CDHR2: variants seen among roughly 807,000 people sequenced by gnomAD.
The protein encoded by CDHR2 is cadherin related family member 2.
A neutral mutation model predicts 138.6 loss-of-function variants in CDHR2; 104 were observed. The ratio of observed to expected loss-of-function variants is 0.75; its 90% confidence interval spans 0.64 to 0.88. The LOEUF (loss-of-function observed/expected upper bound fraction) is 0.88. Among genes scored for constraint, CDHR2 ranks in the 40% least tolerant of loss-of-function variants. CDHR2 has a pLI of 0.00. For synonymous variants in CDHR2, 755 were observed against 742.8 expected (o/e 1.02, Z -0.27); for missense variants, 1,624 against 1,727.6 (o/e 0.94, Z 1.06).
At position 176,575,087 on chromosome 5, in the gene CDHR2, A is replaced by G; in HGVS notation, c.499A>G (p.Ile167Val). ...ACCCAAGTCTGCTCTGCCCCAGGTC[A>G]TCCCTAGCACTGGGGACAGCGAGCA... is the stretch of plus-strand genomic sequence containing the variant. ...GMVVYSIEKV[I>V]PSTGDSEHLF... Residue 167 changes from isoleucine (I) to valine (V), a missense_variant, in exon 8 of 32, where the codon ATC becomes GTC. Coordinates refer to ENST00000261944, the MANE Select transcript of CDHR2 (RefSeq NM_017675.6). The G allele has an allele frequency of 1.2e-6, 2 of 1,614,078 alleles. No individual in the cohort carries two copies. The highest frequency in any genetic ancestry group is 2.2e-5 in the South Asian group (2 of 91,084).
intron 8 of CDHR2, 22 bp downstream of exon 8, chr5:176,575,231 C>A (rs777952319): frequency 1.2e-6 from 2 of 1,614,068 alleles, no homozygotes; most frequent in Non-Finnish European, 1.7e-6. Flanking sequence ...TGCCGGCAGG[C>A]GGGCCTAGGA....
chr5:176,586,599 AC>A (rs1758674530), intron 20 of CDHR2, 193 bp from the exon 21 acceptor site: 1 of 590,210 alleles, frequency 1.7e-6, no homozygotes, highest in Non-Finnish European at 3.0e-6. Context: ...TGGGCCTGTG[AC>A]CTCACCTGTG....
chr5:176,578,272 G>A (rs1758446960), intron 15 of CDHR2, 93 bp from the exon 16 acceptor site: 1 of 1,286,036 alleles, frequency 7.8e-7, no homozygotes, highest in African/African-American at 1.5e-5. Context: ...TACTGCATGG[G>A]ATATGCTGAA....
chr5:176,579,254 G>A (rs772371630), intron 16 of CDHR2, among the ~76,000 whole-genome samples: 1 of 152,224 alleles, frequency 6.6e-6, no homozygotes. Flanking sequence ...TGGCCACAGA[G>A]CCCTCCCGTC....
At chr5:176,549,089 G>T (rs1414402987), upstream of CDHR2, among the ~76,000 whole-genome samples, 1 of 152,178 alleles carries the variant, frequency 6.6e-6, no homozygotes, top group African/African-American at 2.4e-5. Flanking sequence ...GCCTGCCCCA[G>T]TGTTGGGCCT....
intron 1 of CDHR2, among the ~76,000 whole-genome samples, chr5:176,557,211 T>C (rs1006446112): frequency 1.7e-4 from 26 of 151,820 alleles, no homozygotes; most frequent in Non-Finnish European, 3.8e-4. Context: ...TTGTTTTGCT[T>C]TTTTTGTTTT....
At chr5:176,589,480 A>T in intron 23 of CDHR2, 42 bp downstream of exon 23, 1 of 1,612,240 alleles carries the variant, frequency 6.2e-7, no homozygotes, top group South Asian at 1.1e-5. Flanking sequence ...GCCCTCTGCC[A>T]GCCCCCAGGG....
At chr5:176,588,450 TGAGA>T (rs67733279) in intron 21 of CDHR2, among the ~76,000 whole-genome samples, 2 of 149,904 alleles carry the variant, frequency 1.3e-5, no homozygotes, top group Non-Finnish European at 3.0e-5. Context: ...TGTGTGAGTG[TGAGA>T]GGGTGTGTGA....
rs1758144299 is a variant in CDHR2, at chr5:176,568,787, A to G, written c.234A>G (p.Glu78=). Residue 78 remains glutamate, a synonymous_variant, in exon 4 of 32, where the codon GAA becomes GAG. Transcript: ENST00000261944. The stretch of plus-strand genomic sequence containing the variant: ...TCGCTGTCACTCCGAAAACTGGGGA[A>G]GTGAAGCTGGCCAGCGCTCTGGACT... ...YFFAVTPKTG[E]VKLASALDYE... is the part of the protein sequence containing the mutation. 1 of 1,614,022 alleles carries G rather than the reference A, an allele frequency of 6.2e-7. No homozygotes were observed. Among genetic ancestry groups the G allele is most frequent in the Admixed American group, 1.7e-5 (1 of 60,006 alleles).
intron 1 of CDHR2, among the ~76,000 whole-genome samples, chr5:176,561,780 C>G (rs1265636953): frequency 6.6e-6 from 1 of 151,946 alleles, no homozygotes; most frequent in African/African-American, 2.4e-5. Flanking sequence ...GCTGGGACTA[C>G]AGGCATGTGC....
chr5:176,572,408 A>AATAAATAAATAAATAAATAG (rs1561872463), intron 6 of CDHR2, among the ~76,000 whole-genome samples: 3 of 151,770 alleles, frequency 2.0e-5, no homozygotes, highest in African/African-American at 7.3e-5. Context: ...TAAATAAATA[A>AATAAATAAATAAATAAATAG]ATAAATAATA....
At chr5:176,551,428 G>A (rs538496658) in intron 1 of CDHR2, among the ~76,000 whole-genome samples, 1 of 152,306 alleles carries the variant, frequency 6.6e-6, no homozygotes, top group South Asian at 2.1e-4. Context: ...AGTGGCCGGA[G>A]GGCTTGAGAA....
Position 176,576,959 on chromosome 5 carries a change from A to G in CDHR2, c.1195-440A>G, listed in dbSNP as rs3762961. Among the ~76,000 whole-genome samples the G allele has an allele frequency of 0.87, 132,564 of 152,006 alleles. 58,509 individuals are homozygous for G. The highest frequency in any genetic ancestry group is 0.95 in the Non-Finnish European group (64,454 of 68,004). ...GAGGATGAGTAACTCTGGAGGGTGT[A>G]TGGTGTTAGGTGATACTGAGGGGTT... On this transcript the variant is annotated intron_variant, in intron 12 of 31. Transcript: ENST00000261944. This position sits in a 1 kb window ranked among gnomAD's most constrained non-coding sequence, Gnocchi z 4.5.
chr5:176,585,800 G>T (rs1046465099), intron 19 of CDHR2, among the ~76,000 whole-genome samples, 154 bp from the exon 20 acceptor site: 1 of 151,252 alleles, frequency 6.6e-6, no homozygotes, highest in Non-Finnish European at 1.5e-5. Flanking sequence ...TGCGGGGCAC[G>T]GGGTTGAGGC....
Position 176,574,185 on chromosome 5 carries a change from G to A in CDHR2, c.495+13G>A, listed in dbSNP as rs372516410. 1.5e-4 allele frequency: 235 copies of A among 1,605,176 alleles called. No homozygotes were observed. In the Middle Eastern group the frequency reaches 4.1e-3, roughly 28 times the overall value. ...CTCCATAGAGAAGGTGAGTGTGAAG[G>A]GGGCCCTGACCGCCTTTGTGACCGC... On this transcript the variant is annotated intron_variant, in intron 7 of 31. Coordinates refer to ENST00000261944, the MANE Select transcript of CDHR2 (RefSeq NM_017675.6).
rs759058285 is a variant in CDHR2, at chr5:176,589,365, C to A, written c.3044C>A (p.Thr1015Asn). ...AGCCTCGACTCCACTCTCCAAGGCA[C>A]CTACCAAGTGACAGTCCAGGCCAGG... Reference protein sequence around the residue: ...VTSLDSTLQGTYQVTVQARDR... With the variant: ...VTSLDSTLQGNYQVTVQARDR... The change falls in exon 23 of 32, where the codon ACC (threonine) becomes AAC (asparagine). Residue 1015 changes from threonine (T) to asparagine (N), a missense_variant. Coordinates refer to ENST00000261944, the MANE Select transcript of CDHR2 (RefSeq NM_017675.6). 6.4e-7 allele frequency: 1 copy of A among 1,559,152 alleles called. No homozygotes were observed. The highest frequency in any genetic ancestry group is 1.8e-5 in the Admixed American group (1 of 54,508).
chr5:176,571,123 G>T, intron 5 of CDHR2, 90 bp from the exon 6 acceptor site: 3 of 633,674 alleles, frequency 4.7e-6, no homozygotes, highest in Non-Finnish European at 5.6e-6. Context: ...TGATCTGGAT[G>T]AAGGACACCA....
intron 17 of CDHR2, 44 bp downstream of exon 17, chr5:176,581,626 C>T: frequency 6.3e-7 from 1 of 1,598,664 alleles, no homozygotes; most frequent in Non-Finnish European, 8.5e-7. Context: ...GCCTCCCAAG[C>T]CGATAGCCAG....
At chr5:176,588,978 G>A in intron 21 of CDHR2, 53 bp from the exon 22 acceptor site, 1 of 1,594,282 alleles carries the variant, frequency 6.3e-7, no homozygotes. Flanking sequence ...TGCTGGGGTG[G>A]AGGGATGCCT....
Sources: allele counts gnomAD v4.1 joint callset (sites outside exome capture counted in the v4.1 genomes callset), GRCh38; gene constraint gnomAD v4.1.1; non-coding constraint Gnocchi (gnomAD v3.1); transcripts MANE v1.5; gene names NCBI Gene and HGNC (gene_info 2026-07-23, HGNC 2026-07-21).